The following KIRREL3 variants were observed in gnomAD, a reference collection of about 807,000 sequenced individuals.
KIRREL3 encodes kin of IRRE-like protein 3.
Under a neutral mutation model 89.7 loss-of-function variants are expected in KIRREL3, and 36 were observed. The observed-to-expected ratio is 0.40, with a 90% confidence interval of 0.31 to 0.53. The LOEUF is 0.53. Among genes scored for constraint, KIRREL3 ranks in the 20% least tolerant of loss-of-function variants. The pLI, the probability that KIRREL3 is intolerant of heterozygous loss-of-function variation, is 0.49. For missense variants in KIRREL3, 864 were observed against 1,056.6 expected (o/e 0.82, Z 2.53); for synonymous variants, 445 against 441.4 (o/e 1.01, Z -0.10).
intron 4 of KIRREL3, among the ~76,000 whole-genome samples, chr11:126,497,365 G>A (rs78895218): frequency 0.019 from 2,930 of 152,236 alleles, 97 homozygotes; most frequent in African/African-American, 0.067. Context: ...ACCAAGGGGG[G>A]TCATTTTCTG....
Position 126,462,560 on chromosome 11 carries a change from G to T in KIRREL3, c.742+597C>A, listed in dbSNP as rs1450519714. ...GATGCCTGTCATCCCAGCTACTCAG[G>T]CAGGCTAAGACAGGAGAATCGCTTG... On this transcript the variant is annotated intron_variant, in intron 6 of 16. Coordinates refer to ENST00000525144, the MANE Select transcript of KIRREL3 (RefSeq NM_032531.4). This position sits in a 1 kb window ranked among gnomAD's most constrained non-coding sequence, Gnocchi z 4.8. Among the ~76,000 whole-genome samples, 1 of 152,148 alleles carries T rather than the reference G, an allele frequency of 6.6e-6. No homozygotes were observed. Among genetic ancestry groups the T allele is most frequent in the Non-Finnish European group, 1.5e-5 (1 of 68,038 alleles).
At chr11:126,831,315 A>G (rs1029570844) in intron 1 of KIRREL3, among the ~76,000 whole-genome samples, 1 of 152,122 alleles carries the variant, frequency 6.6e-6, no homozygotes, top group African/African-American at 2.4e-5. Flanking sequence ...TGTTGGACTG[A>G]ATCAGGGCAC....
rs955572145 is a variant in KIRREL3, at chr11:126,570,930, T to C, written c.56-8018A>G. Among the ~76,000 whole-genome samples the C allele has an allele frequency of 2.6e-5, 4 of 152,218 alleles. No homozygotes were observed. Among genetic ancestry groups the C allele is most frequent in the Non-Finnish European group, 5.9e-5 (4 of 68,038 alleles). On this transcript the variant is annotated intron_variant, in intron 1 of 16. Coordinates refer to ENST00000525144, the MANE Select transcript of KIRREL3 (RefSeq NM_032531.4). This position sits in a 1 kb window ranked among gnomAD's most constrained non-coding sequence, Gnocchi z 6.1. ...CTGAGCTGCAAGGGACATTTAACTTTTCTCATCTCGTTTCACCCTCACAAC... is the reference window on the plus strand; with the variant it reads ...CTGAGCTGCAAGGGACATTTAACTTCTCTCATCTCGTTTCACCCTCACAAC...
Position 126,627,018 on chromosome 11 carries a change from A to AC in KIRREL3, c.56-64107_56-64106insG, listed in dbSNP as rs1555164881. Among the ~76,000 whole-genome samples the AC allele has an allele frequency of 6.7e-4, 38 of 56,600 alleles. No homozygotes were observed. Among genetic ancestry groups the AC allele is most frequent in the East Asian group, 1.5e-3 (4 of 2,698 alleles). 37.1% of individuals were successfully genotyped at this position (56,600 alleles called of 152,430 possible). A position where few individuals can be genotyped will look rare whatever the true frequency, so the allele number is the denominator to read the frequency against. ...ACTGTCTCAAGAAAAAAAAAAAACAAAAAAAAAAGAATAACCACAGTTTTG... is the reference window on the plus strand; with the variant it reads ...ACTGTCTCAAGAAAAAAAAAAAACAACAAAAAAAAGAATAACCACAGTTTTG... On this transcript the variant is annotated intron_variant, in intron 1 of 16. Coordinates refer to ENST00000525144, the MANE Select transcript of KIRREL3 (RefSeq NM_032531.4). The surrounding 1 kb of genome is among the most constrained non-coding windows in gnomAD (Gnocchi z 5.0).
At position 126,565,479 on chromosome 11, in the gene KIRREL3, G is replaced by C. The variant is rs530727697; in HGVS notation, c.56-2567C>G. On this transcript the variant is annotated intron_variant, in intron 1 of 16. Transcript: ENST00000525144. This position sits in a 1 kb window ranked among gnomAD's most constrained non-coding sequence, Gnocchi z 5.4. ...ATTTGGCTCATTTAATTTGACACGC[G>C]TGGGTTAGTCTTAATTATTTAGGCG... is the stretch of plus-strand genomic sequence containing the variant. Among the ~76,000 whole-genome samples the C allele has an allele frequency of 6.6e-6, 1 of 152,292 alleles. No individual in the cohort carries two copies. The highest frequency in any genetic ancestry group is 2.4e-5 in the African/African-American group (1 of 41,552).
In KIRREL3 at chr11:126,778,916, C is replaced by A. The variant is rs949839529; in HGVS notation, c.56-216004G>T. Among the ~76,000 whole-genome samples the A allele has an allele frequency of 3.3e-5, 5 of 152,184 alleles. No individual in the cohort carries two copies. The highest frequency in any genetic ancestry group is 2.1e-4 in the South Asian group (1 of 4,824). On this transcript the variant is annotated intron_variant, in intron 1 of 16. Transcript: ENST00000525144. The surrounding 1 kb of genome is among the most constrained non-coding windows in gnomAD (Gnocchi z 4.5). ...TGGTAAGATGAGCTATGCAGTTGTT[C>A]ACCTGTTTCTGAACACACACACAAG...
chr11:126,602,392 G>A (rs1369638281), intron 1 of KIRREL3, among the ~76,000 whole-genome samples: 2 of 152,140 alleles, frequency 1.3e-5, no homozygotes, highest in African/African-American at 4.8e-5. Context: ...GGCCCCAGAA[G>A]CCATAGTAAT....
At chr11:126,835,675 A>G (rs892733027) in intron 1 of KIRREL3, among the ~76,000 whole-genome samples, 2 of 152,230 alleles carry the variant, frequency 1.3e-5, no homozygotes, top group African/African-American at 4.8e-5. Context: ...TTCTACATGA[A>G]GGAGTGTACC....
chr11:126,450,004 C>A (rs556197097), intron 7 of KIRREL3, among the ~76,000 whole-genome samples: 1 of 152,216 alleles, frequency 6.6e-6, no homozygotes, highest in East Asian at 1.9e-4. Flanking sequence ...GTCGGCCAAT[C>A]GGTACCACAC....
Position 126,892,335 on chromosome 11 carries a change from G to A in KIRREL3, c.55+108120C>T, listed in dbSNP as rs1396398617. Among the ~76,000 whole-genome samples the A allele has an allele frequency of 1.3e-5, 2 of 152,096 alleles. No individual in the cohort carries two copies. The highest frequency in any genetic ancestry group is 2.4e-5 in the African/African-American group (1 of 41,410). On this transcript the variant is annotated intron_variant, in intron 1 of 16. Transcript: ENST00000525144. This position sits in a 1 kb window ranked among gnomAD's most constrained non-coding sequence, Gnocchi z 5.4. The stretch of plus-strand genomic sequence containing the variant: ...ACCCCAGCCCTCCTCAGGACCCACC[G>A]TGGAAGCAGAACTCCCAACTGTCTT...
At chr11:126,759,079 G>T (rs753690663) in intron 1 of KIRREL3, among the ~76,000 whole-genome samples, 2 of 152,190 alleles carry the variant, frequency 1.3e-5, no homozygotes, top group Non-Finnish European at 2.9e-5. Flanking sequence ...CATACAGGAA[G>T]AAACTATTTT....
intron 1 of KIRREL3, among the ~76,000 whole-genome samples, chr11:126,644,618 G>C (rs1422990095): frequency 6.6e-6 from 1 of 152,182 alleles, no homozygotes; most frequent in Non-Finnish European, 1.5e-5. Context: ...GAGGAAGATG[G>C]AGTCATGTCC....
intron 1 of KIRREL3, among the ~76,000 whole-genome samples, chr11:126,741,468 T>C (rs1351608856): frequency 6.6e-6 from 1 of 152,188 alleles, no homozygotes; most frequent in Non-Finnish European, 1.5e-5. Context: ...AGATATCCCA[T>C]GCCCATGTGT....
chr11:126,440,345 G>C, intron 11 of KIRREL3, 104 bp downstream of exon 11: 6 of 975,794 alleles, frequency 6.1e-6, no homozygotes, highest in Non-Finnish European at 9.5e-6. Flanking sequence ...GCAAGAAAGA[G>C]GAACCTCGGA....
At position 126,750,402 on chromosome 11, in the gene KIRREL3, C is replaced by T. The variant is rs1376497519; in HGVS notation, c.56-187490G>A. Among the ~76,000 whole-genome samples the T allele has an allele frequency of 6.6e-6, 1 of 152,190 alleles. No individual in the cohort carries two copies. The highest frequency in any genetic ancestry group is 2.4e-5 in the African/African-American group (1 of 41,442). ...TGGGTGCTCGAAGCCCACAGTGAAG[C>T]TTCAAGTGAGGTTAGCCAGAGAGGA... On this transcript the variant is annotated intron_variant, in intron 1 of 16. Coordinates refer to ENST00000525144, the MANE Select transcript of KIRREL3 (RefSeq NM_032531.4). The surrounding 1 kb of genome is among the most constrained non-coding windows in gnomAD (Gnocchi z 4.2).
At chr11:126,967,350 C>T (rs79685398) in intron 1 of KIRREL3, among the ~76,000 whole-genome samples, 1 of 152,160 alleles carries the variant, frequency 6.6e-6, no homozygotes, top group East Asian at 1.9e-4. Context: ...CAGGAGAGCA[C>T]CGTGCTAATG....
At chr11:126,792,423 T>A (rs1220593521) in intron 1 of KIRREL3, among the ~76,000 whole-genome samples, 1 of 152,220 alleles carries the variant, frequency 6.6e-6, no homozygotes, top group Non-Finnish European at 1.5e-5. Flanking sequence ...GTCACACAAC[T>A]TGCAAGCAAT....
At chr11:126,444,934 C>A in intron 10 of KIRREL3, 45 bp downstream of exon 10, 2 of 1,608,870 alleles carry the variant, frequency 1.2e-6, no homozygotes, top group Non-Finnish European at 1.7e-6. Flanking sequence ...GCCTGAGGTC[C>A]TTCTTCCCTC....
Position 126,601,019 on chromosome 11 carries a change from A to G in KIRREL3, c.56-38107T>C, listed in dbSNP as rs1051006648. Among the ~76,000 whole-genome samples, 10 of 152,238 alleles carry G rather than the reference A, an allele frequency of 6.6e-5. No homozygotes were observed. The highest frequency in any genetic ancestry group is 2.4e-4 in the African/African-American group (10 of 41,534). ...CAGCATCCAGTGACCTTTTCAGGAA[A>G]TTACCCAGGATTTCACAATCTTAGT... On this transcript the variant is annotated intron_variant, in intron 1 of 16. Transcript: ENST00000525144. The surrounding 1 kb of genome is among the most constrained non-coding windows in gnomAD (Gnocchi z 5.8).
Sources: allele counts gnomAD v4.1 joint callset (sites outside exome capture counted in the v4.1 genomes callset), GRCh38; gene constraint gnomAD v4.1.1; non-coding constraint Gnocchi (gnomAD v3.1); transcripts MANE v1.5; gene names NCBI Gene and HGNC (gene_info 2026-07-23, HGNC 2026-07-21).